The following GORASP2 variants were observed in gnomAD, a reference collection of about 807,000 sequenced individuals.
GORASP2 encodes the protein Golgi reassembly-stacking protein 2.
In GORASP2, 22 loss-of-function variants were observed where a neutral mutation model predicts 45.7. That is an observed-to-expected ratio of 0.48 (90% CI 0.34 to 0.69). The LOEUF (loss-of-function observed/expected upper bound fraction) is 0.69, where lower values mean the gene tolerates loss of function less well. GORASP2 is among the 30% of genes least tolerant of loss of function. The pLI is 0.01. For synonymous variants in GORASP2, 221 were observed against 215.6 expected, an observed-to-expected ratio of 1.02 and a Z score of -0.22; for missense variants, 491 against 562.7, an observed-to-expected ratio of 0.87 and a Z score of 1.29.
At chr2:170,951,859 C>T (rs979730853) in intron 5 of GORASP2, among the ~76,000 whole-genome samples, 12 of 152,346 alleles carry the variant, frequency 7.9e-5, no homozygotes, top group African/African-American at 2.6e-4. Context: ...TCTTTACCCA[C>T]ACTACCTGAG....
Position 170,956,900 on chromosome 2 carries a change from T to C in GORASP2, c.823+341T>C, listed in dbSNP as rs779648623. ...CTGCATTCCAGCCTGGTCGACAGAGTGAAAAATTTAAAGAATTTTAAAAAA... is the reference window on the plus strand; with the variant it reads ...CTGCATTCCAGCCTGGTCGACAGAGCGAAAAATTTAAAGAATTTTAAAAAA... On this transcript the variant is annotated intron_variant, in intron 7 of 9. Coordinates refer to ENST00000234160, the MANE Select transcript of GORASP2 (RefSeq NM_015530.5). 7.5e-4 allele frequency among the ~76,000 whole-genome samples: 114 copies of C among 152,080 alleles called. 1 individual carries two copies. Among genetic ancestry groups the C allele is most frequent in the Non-Finnish European group, 1.3e-3 (87 of 67,974 alleles).
chr2:170,940,417 C>T (rs1411989472), intron 1 of GORASP2, among the ~76,000 whole-genome samples: 2 of 152,160 alleles, frequency 1.3e-5, no homozygotes, highest in African/African-American at 2.4e-5. Context: ...CCTCCCTCCC[C>T]CAAGTGAAGA....
intron 5 of GORASP2, among the ~76,000 whole-genome samples, chr2:170,953,636 G>A (rs1407390358): frequency 1.3e-5 from 2 of 152,230 alleles, no homozygotes; most frequent in African/African-American, 2.4e-5. Flanking sequence ...AATTGTATCA[G>A]TAAGGGGTTT....
chr2:170,961,143 C>T (rs951533526), intron 7 of GORASP2, among the ~76,000 whole-genome samples: 1 of 152,214 alleles, frequency 6.6e-6, no homozygotes, highest in Non-Finnish European at 1.5e-5. Flanking sequence ...AATGGACATT[C>T]AGGAAGCCAA....
intron 6 of GORASP2, among the ~76,000 whole-genome samples, chr2:170,956,089 CAGT>C (rs1704420653): frequency 6.6e-6 from 1 of 152,170 alleles, no homozygotes; most frequent in African/African-American, 2.4e-5. Context: ...TTCAGGAAAG[CAGT>C]GGTGGTTTAA....
upstream of GORASP2, chr2:170,929,239 G>GT: frequency 1.1e-6 from 1 of 897,658 alleles, no homozygotes; most frequent in Admixed American, 4.3e-5. Context: ...CGGCGGCAGC[G>GT]AGTGCCACGT....
chr2:170,938,793 C>T (rs1048586705), intron 1 of GORASP2, among the ~76,000 whole-genome samples: 5 of 152,184 alleles, frequency 3.3e-5, no homozygotes, highest in Non-Finnish European at 7.3e-5. Flanking sequence ...GAGTTTGAGA[C>T]TAGCCTGGCC....
chr2:170,930,919 T>C (rs1703806615), intron 1 of GORASP2, among the ~76,000 whole-genome samples: 1 of 152,030 alleles, frequency 6.6e-6, no homozygotes, highest in Non-Finnish European at 1.5e-5. Flanking sequence ...TTCATGATAT[T>C]TTTATAATAC....
intron 9 of GORASP2, among the ~76,000 whole-genome samples, chr2:170,965,580 G>A (rs1055247299): frequency 1.3e-5 from 2 of 152,204 alleles, no homozygotes; most frequent in Admixed American, 6.5e-5. Flanking sequence ...GAGCCTAGAA[G>A]TTGAGAACCT....
rs578161064 is a variant in GORASP2 at position 170,958,851 on chromosome 2, G to A, written c.823+2292G>A. Among the ~76,000 whole-genome samples, 15 of 152,170 alleles carry A rather than the reference G, an allele frequency of 9.9e-5. No individual in the cohort carries two copies. The South Asian group carries it at 2.5e-3, about 25-fold the overall frequency. ...CACCCAGCTAATTTTTGTATTTTTAGCAGAGATGGGGTTTTGCCATGTTGG... is the reference window on the plus strand; with the variant it reads ...CACCCAGCTAATTTTTGTATTTTTAACAGAGATGGGGTTTTGCCATGTTGG... On this transcript the variant is annotated intron_variant, in intron 7 of 9. Transcript: ENST00000234160.
At chr2:170,946,084 T>A (rs1363734694) in intron 1 of GORASP2, among the ~76,000 whole-genome samples, 1 of 152,148 alleles carries the variant, frequency 6.6e-6, no homozygotes, top group African/African-American at 2.4e-5. Context: ...CGACCTGGAC[T>A]CATTGCAGCC....
chr2:170,944,155 A>AG (rs1221837745), intron 1 of GORASP2, among the ~76,000 whole-genome samples: 2 of 152,208 alleles, frequency 1.3e-5, no homozygotes, highest in Non-Finnish European at 2.9e-5. Flanking sequence ...AAAGTATTGA[A>AG]GTGGTAATCT....
intron 1 of GORASP2, among the ~76,000 whole-genome samples, chr2:170,934,802 A>G (rs568626392): frequency 4.0e-5 from 6 of 151,880 alleles, no homozygotes; most frequent in Non-Finnish European, 7.4e-5. Context: ...CAGTTGTGCA[A>G]TCTCAGCTCA....
intron 1 of GORASP2, among the ~76,000 whole-genome samples, chr2:170,930,357 CAG>C (rs1703789394): frequency 6.6e-6 from 1 of 152,196 alleles, no homozygotes; most frequent in Non-Finnish European, 1.5e-5. Flanking sequence ...GAACAGTCAA[CAG>C]AGTGGCCGCA....
chr2:170,965,908 C>T lies in GORASP2; in HGVS notation c.1137C>T (p.Ser379=), dbSNP rs759835482. The change falls in exon 10 of 10, where the codon AGC becomes AGT. Residue 379 remains serine, a synonymous_variant. Coordinates refer to ENST00000234160, the MANE Select transcript of GORASP2 (RefSeq NM_015530.5). ...PLVPESSSAA[S]SGELLSSLPP... The stretch of plus-strand genomic sequence containing the variant: ...TTCCAGAGAGCTCTTCTGCAGCAAG[C>T]TCAGGAGAGCTGCTGTCTTCCCTCC... 6.2e-7 allele frequency: 1 copy of T among 1,613,736 alleles called. No homozygotes were observed. Among genetic ancestry groups the T allele is most frequent in the Non-Finnish European group, 8.5e-7 (1 of 1,179,724 alleles).
chr2:170,944,299 T>TA (rs1417031404), intron 1 of GORASP2, among the ~76,000 whole-genome samples: 2 of 152,140 alleles, frequency 1.3e-5, no homozygotes, highest in African/African-American at 4.8e-5. Flanking sequence ...GAAATTTCCT[T>TA]TAGGTATATG....
rs1440145656 is a variant in GORASP2 at position 170,949,619 on chromosome 2, A to G, written c.225A>G (p.Lys75=). The G allele has an allele frequency of 6.2e-7, 1 of 1,614,048 alleles. No individual in the cohort carries two copies. Among genetic ancestry groups the G allele is most frequent in the Non-Finnish European group, 8.5e-7 (1 of 1,179,888 alleles). ...KPVKMLIYSS[K]TLELRETSVT... Reference sequence around the variant, plus strand: ...TAAAGATGCTTATCTATAGCAGCAAAACATTGGAACTGCGAGAGACCTCAG... The same window carrying G: ...TAAAGATGCTTATCTATAGCAGCAAGACATTGGAACTGCGAGAGACCTCAG... Residue 75 remains lysine (K), a synonymous_variant, in exon 3 of 10, where the codon AAA becomes AAG. Coordinates refer to ENST00000234160, the MANE Select transcript of GORASP2 (RefSeq NM_015530.5).
At chr2:170,936,501 T>C (rs778436812) in intron 1 of GORASP2, 8 of 458,792 alleles carry the variant, frequency 1.7e-5, no homozygotes, top group Non-Finnish European at 3.2e-5. Flanking sequence ...ATTACACTTA[T>C]GAGCCACCAC....
At chr2:170,933,016 T>TA (rs1334842181) in intron 1 of GORASP2, among the ~76,000 whole-genome samples, 1 of 152,104 alleles carries the variant, frequency 6.6e-6, no homozygotes, top group African/African-American at 2.4e-5. Context: ...CAAGGTTGTC[T>TA]AAAAAATTAT....
Sources: gnomAD v4.1 joint callset for allele counts (sites outside exome capture counted in the v4.1 genomes callset) on GRCh38, gnomAD v4.1.1 for gene constraint, MANE v1.5 for transcripts, NCBI Gene and HGNC (gene_info 2026-07-23, HGNC 2026-07-21) for gene names.